PHF21A: variants seen among roughly 807,000 people sequenced by gnomAD.
PHF21A encodes BHC80a.
A neutral mutation model predicts 82.5 loss-of-function variants in PHF21A; 11 were observed. The observed-to-expected ratio is 0.13, with a 90% CI of 0.08 to 0.22. PHF21A has a LOEUF of 0.22. Ranked by LOEUF, PHF21A falls within the 10% of genes least tolerant of loss-of-function variation. PHF21A has a pLI of 1.00. For synonymous variants in PHF21A, 297 were observed against 302.8 expected, an observed-to-expected ratio of 0.98 and a Z score of 0.20; for missense variants, 579 against 837.8, an observed-to-expected ratio of 0.69 and a Z score of 3.81.
chr11:45,966,676 G>A (rs749898373), intron 9 of PHF21A, among the ~76,000 whole-genome samples: 12 of 152,136 alleles, frequency 7.9e-5, no homozygotes, highest in Non-Finnish European at 1.5e-4. Flanking sequence ...CTGGAGTGCA[G>A]TGGCGCGACC....
At chr11:46,120,416 C>T (rs1484819380) in intron 1 of PHF21A, 1 of 150,072 alleles carries the variant, frequency 6.7e-6, no homozygotes, top group African/African-American at 2.4e-5. Flanking sequence ...CCGGCCGGCC[C>T]CCCGCCGGGA....
chr11:46,039,487 G>A (rs7120227), intron 6 of PHF21A, among the ~76,000 whole-genome samples: 14,933 of 152,124 alleles, frequency 0.098, 898 homozygotes, highest in African/African-American at 0.17. Context: ...CCTTGAAGGA[G>A]GTAGCTCACC....
Position 45,929,520 on chromosome 11 carries a change from G to C in PHF21A, c.*4448C>G, listed in dbSNP as rs1006425148. ...TGGACAAGAGACAGGGTTGGGGTCT[G>C]GCTGGCTCTTCTCTGCTAGGAGCTG... On this transcript the variant is annotated 3_prime_UTR_variant, in exon 19 of 19. Transcript: ENST00000676320. The C allele has an allele frequency of 1.3e-5, 2 of 153,378 alleles. No homozygotes were observed. Among genetic ancestry groups the C allele is most frequent in the African/African-American group, 4.8e-5 (2 of 41,432 alleles). The allele number at this position is 153,378 out of a possible 1,614,324, so 9.5% of individuals were successfully genotyped here.
At chr11:46,079,262 C>A in intron 4 of PHF21A, 96 bp from the exon 5 acceptor site, 1 of 833,462 alleles carries the variant, frequency 1.2e-6, no homozygotes, top group Admixed American at 2.3e-5. Flanking sequence ...TTTAAGTTAA[C>A]ACAAAAAAAA....
chr11:46,078,556 A>T (rs889631408), intron 5 of PHF21A, among the ~76,000 whole-genome samples: 1 of 152,146 alleles, frequency 6.6e-6, no homozygotes, highest in African/African-American at 2.4e-5. Context: ...TGCCTATGAG[A>T]ATTTAAAGAA....
chr11:45,961,091 T>G (rs1005159292), intron 10 of PHF21A, among the ~76,000 whole-genome samples: 3 of 152,224 alleles, frequency 2.0e-5, no homozygotes, highest in Admixed American at 1.3e-4. Flanking sequence ...GTTATACTCA[T>G]GTTCCCACTG....
chr11:46,028,003 T>C (rs903533881), intron 6 of PHF21A, among the ~76,000 whole-genome samples: 4 of 152,164 alleles, frequency 2.6e-5, no homozygotes, highest in African/African-American at 9.7e-5. Context: ...AGCCTAATAA[T>C]ACAAACAGGG....
intron 6 of PHF21A, among the ~76,000 whole-genome samples, chr11:46,033,547 A>C (rs772244666): frequency 1.3e-5 from 2 of 152,196 alleles, no homozygotes; most frequent in Non-Finnish European, 2.9e-5. Context: ...TACAGGTGTG[A>C]GCCACCATGC....
At chr11:45,985,896 A>G (rs555809684) in intron 6 of PHF21A, among the ~76,000 whole-genome samples, 111 of 152,264 alleles carry the variant, frequency 7.3e-4, no homozygotes, top group African/African-American at 2.7e-3. Context: ...CATGGAATTT[A>G]TATAGTACAA....
intron 6 of PHF21A, among the ~76,000 whole-genome samples, chr11:46,057,550 C>A (rs897660473): frequency 4.6e-5 from 7 of 151,992 alleles, no homozygotes; most frequent in Admixed American, 4.6e-4. Flanking sequence ...TTTTGCTTTT[C>A]AAATAGAGGA....
chr11:45,987,497 T>C (rs559798895), intron 6 of PHF21A, among the ~76,000 whole-genome samples: 1 of 150,550 alleles, frequency 6.6e-6, no homozygotes, highest in South Asian at 2.1e-4. Context: ...CCGTCTCTAC[T>C]AAAAATACAA....
intron 16 of PHF21A, among the ~76,000 whole-genome samples, chr11:45,937,749 G>C (rs1161478728): frequency 6.6e-6 from 1 of 152,206 alleles, no homozygotes; most frequent in Non-Finnish European, 1.5e-5. Flanking sequence ...CCAAAGTGCT[G>C]AGATTACAGG....
At chr11:46,063,768 TAGC>T (rs1369169018) in intron 6 of PHF21A, among the ~76,000 whole-genome samples, 2 of 152,192 alleles carry the variant, frequency 1.3e-5, no homozygotes, top group Non-Finnish European at 2.9e-5. Context: ...TATCAGCTAT[TAGC>T]AGGAACTGAT....
At position 45,979,827 on chromosome 11, in the gene PHF21A, TGTTGTTGTA is replaced by T; in HGVS notation, c.284_292del (p.Leu95_Gln97del). ...GGCGTGGTGGTGGTGGTACTGCTGC[TGTTGTTGTA>T]GTTGCTGTAGTGGTTGCTGCTGTGC... On this transcript the variant is annotated inframe_deletion, in exon 7 of 19. Transcript: ENST00000676320. 6.2e-7 allele frequency: 1 copy of T among 1,614,150 alleles called. No homozygotes were observed. Among genetic ancestry groups the T allele is most frequent in the Non-Finnish European group, 8.5e-7 (1 of 1,180,014 alleles).
intron 6 of PHF21A, among the ~76,000 whole-genome samples, chr11:46,048,401 T>A (rs1351307831): frequency 6.6e-6 from 1 of 152,214 alleles, no homozygotes; most frequent in East Asian, 1.9e-4. Flanking sequence ...ACACTTTATT[T>A]AACTATCCAT....
chr11:45,948,813 G>A, intron 14 of PHF21A, 73 bp downstream of exon 14: 2 of 1,019,846 alleles, frequency 2.0e-6, no homozygotes, highest in East Asian at 2.4e-5. Context: ...ATGATGGGAG[G>A]AGGGAAGGAG....
At chr11:45,956,916 A>ATAT (rs2092683657) in intron 10 of PHF21A, among the ~76,000 whole-genome samples, 1 of 152,186 alleles carries the variant, frequency 6.6e-6, no homozygotes, top group South Asian at 2.1e-4. Context: ...GCTGTAAGAG[A>ATAT]GACTCATTTT....
chr11:46,020,663 T>A (rs2095610030), intron 6 of PHF21A, among the ~76,000 whole-genome samples: 1 of 152,240 alleles, frequency 6.6e-6, no homozygotes, highest in Non-Finnish European at 1.5e-5. Flanking sequence ...GTTCTCTATA[T>A]TTTAAGTTAT....
intron 6 of PHF21A, among the ~76,000 whole-genome samples, chr11:45,985,086 G>A (rs2094446473): frequency 6.6e-6 from 1 of 152,032 alleles, no homozygotes; most frequent in Non-Finnish European, 1.5e-5. Flanking sequence ...TGAAACCAAG[G>A]ATACTAAATT....
Sources: gnomAD v4.1 joint callset for allele counts (sites outside exome capture counted in the v4.1 genomes callset) on GRCh38, gnomAD v4.1.1 for gene constraint, MANE v1.5 for transcripts, NCBI Gene and HGNC (gene_info 2026-07-23, HGNC 2026-07-21) for gene names.